Variants in CYB5R4 observed in about 807,000 individuals in gnomAD.
CYB5R4 encodes N-terminal cytochrome b5 and cytochrome b5 oxidoreductase domain-containing protein.
Under a neutral mutation model 70.2 loss-of-function variants are expected in CYB5R4, and 55 were observed. The ratio of observed to expected loss-of-function variants is 0.78; its 90% CI spans 0.63 to 0.98. The LOEUF is 0.98. Ranked by LOEUF, CYB5R4 falls within the 50% of genes least tolerant of loss-of-function variation. The probability of loss-of-function intolerance (pLI) is 0.00; values close to 1 mark genes in which losing one functional copy is unlikely to be tolerated. For synonymous variants in CYB5R4, 197 were observed against 199.5 expected (o/e 0.99, Z 0.11); for missense variants, 562 against 612.6 (o/e 0.92, Z 0.87).
chr6:83,894,467 C>T (rs1385566272), intron 3 of CYB5R4, among the ~76,000 whole-genome samples: 1 of 151,870 alleles, frequency 6.6e-6, no homozygotes, highest in African/African-American at 2.4e-5. Context: ...ATTTTCTCAT[C>T]CATTTTAGGA....
At chr6:83,914,269 C>A in intron 4 of CYB5R4, 147 bp from the exon 5 acceptor site, 1 of 772,570 alleles carries the variant, frequency 1.3e-6, no homozygotes, top group Non-Finnish European at 1.9e-6. Context: ...AAGGCCGTTT[C>A]TATATTGGCC....
At chr6:83,927,772 T>C (rs1346633968) in intron 10 of CYB5R4, among the ~76,000 whole-genome samples, 2 of 152,154 alleles carry the variant, frequency 1.3e-5, no homozygotes, top group African/African-American at 4.8e-5. Flanking sequence ...TGATTGATTA[T>C]GTCAGTGACC....
intron 3 of CYB5R4, among the ~76,000 whole-genome samples, chr6:83,904,913 G>C (rs574660623): frequency 5.1e-4 from 77 of 151,718 alleles, no homozygotes; most frequent in Non-Finnish European, 9.4e-4. Context: ...ATTGTGATCT[G>C]TTGCCAGAGA....
Position 83,967,361 on chromosome 6 carries a change from A to G in CYB5R4, c.*7483A>G, listed in dbSNP as rs1265502884. The G allele has an allele frequency of 3.9e-5, 6 of 152,242 alleles. No homozygotes were observed. Among genetic ancestry groups the G allele is most frequent in the Non-Finnish European group, 7.3e-5 (5 of 68,044 alleles). 9.4% of individuals were successfully genotyped at this position (152,242 alleles called of 1,614,324 possible). On this transcript the variant is annotated 3_prime_UTR_variant, in exon 16 of 16. Coordinates refer to ENST00000369681, the MANE Select transcript of CYB5R4 (RefSeq NM_016230.4). ...TTTCAGTAGTTTTGGCAGTGGTTGT[A>G]TTAGTATTGTTATTCTGAAGATGTG...
At chr6:83,920,097 A>G (rs1411449133) in intron 7 of CYB5R4, among the ~76,000 whole-genome samples, 2 of 152,174 alleles carry the variant, frequency 1.3e-5, no homozygotes, top group African/African-American at 2.4e-5. Flanking sequence ...CTGACTTTCA[A>G]AAGGCTTACA....
intron 2 of CYB5R4, among the ~76,000 whole-genome samples, chr6:83,875,981 A>G (rs1226475820): frequency 6.6e-6 from 1 of 152,098 alleles, no homozygotes; most frequent in Non-Finnish European, 1.5e-5. Context: ...CCCTCTCTCA[A>G]AATGGAGTCG....
At chr6:83,950,929 T>A (rs116706883) in intron 14 of CYB5R4, among the ~76,000 whole-genome samples, 2,684 of 152,248 alleles carry the variant, frequency 0.018, 77 homozygotes, top group African/African-American at 0.062. Flanking sequence ...ATAAAGAATA[T>A]TTTCAACAGG....
chr6:83,924,069 CAA>C (rs34702511), intron 9 of CYB5R4, among the ~76,000 whole-genome samples: 3 of 52,890 alleles, frequency 5.7e-5, no homozygotes, highest in Non-Finnish European at 1.0e-4. Flanking sequence ...GACTCCGTCT[CAA>C]AAAAAAAAAA....
At chr6:83,874,704 C>T (rs1189630556) in intron 2 of CYB5R4, among the ~76,000 whole-genome samples, 1 of 152,098 alleles carries the variant, frequency 6.6e-6, no homozygotes, top group African/African-American at 2.4e-5. Context: ...TCTGACCCTC[C>T]CTGATCGCTT....
intron 14 of CYB5R4, among the ~76,000 whole-genome samples, chr6:83,948,988 C>T (rs1032839778): frequency 2.6e-5 from 4 of 152,038 alleles, no homozygotes; most frequent in Non-Finnish European, 4.4e-5. Flanking sequence ...CTCTCCCTTG[C>T]TGGCTTGGGT....
intron 2 of CYB5R4, among the ~76,000 whole-genome samples, chr6:83,888,729 A>G (rs1250074602): frequency 6.6e-6 from 1 of 152,214 alleles, no homozygotes; most frequent in Non-Finnish European, 1.5e-5. Context: ...GAAATGTTGT[A>G]TATCTCTCAC....
intron 2 of CYB5R4, among the ~76,000 whole-genome samples, chr6:83,890,328 T>A (rs2099460927): frequency 6.6e-6 from 1 of 152,136 alleles, no homozygotes; most frequent in Non-Finnish European, 1.5e-5. Context: ...TTTGAAGGGT[T>A]CAAGACTTGA....
In CYB5R4 at chr6:83,940,197, C is replaced by T; in HGVS notation, c.1250C>T (p.Pro417Leu). The T allele has an allele frequency of 1.2e-6, 2 of 1,604,874 alleles. No homozygotes were observed. Among genetic ancestry groups the T allele is most frequent in the Non-Finnish European group, 1.7e-6 (2 of 1,175,536 alleles). Reference protein sequence around the residue: ...KILNYALTDIPSLRKVKLMFF... With the variant: ...KILNYALTDILSLRKVKLMFF... ...CTGAATTATGCTTTGACTGATATAC[C>T]CAGTCTCAGGTATGTAATTTTGTCT... The change falls in exon 13 of 16, where the codon CCC becomes CTC. Residue 417 changes from proline to leucine, a missense_variant. By Grantham distance (98) the Pro-to-Leu change is moderately conservative. Coordinates refer to ENST00000369681, the MANE Select transcript of CYB5R4 (RefSeq NM_016230.4).
chr6:83,935,278 A>G (rs1014028116), intron 11 of CYB5R4, among the ~76,000 whole-genome samples: 6 of 152,186 alleles, frequency 3.9e-5, no homozygotes, highest in African/African-American at 1.2e-4. Flanking sequence ...TTGACGTCCA[A>G]CATTTTCTTG....
At chr6:83,908,740 G>A (rs1296856551) in intron 3 of CYB5R4, among the ~76,000 whole-genome samples, 1 of 152,080 alleles carries the variant, frequency 6.6e-6, no homozygotes. Context: ...CTTTTTATTA[G>A]TATTATCATG....
chr6:83,897,535 C>G (rs963845995), intron 3 of CYB5R4, among the ~76,000 whole-genome samples: 2 of 152,166 alleles, frequency 1.3e-5, no homozygotes, highest in Non-Finnish European at 2.9e-5. Context: ...GTTCCTGTTT[C>G]TCCACATCCT....
chr6:83,950,579 GGT>G (rs1007736149), intron 14 of CYB5R4, among the ~76,000 whole-genome samples: 4 of 151,964 alleles, frequency 2.6e-5, no homozygotes, highest in African/African-American at 9.7e-5. Flanking sequence ...AACATTTTGT[GGT>G]ATATAAATAT....
intron 11 of CYB5R4, 33 bp from the exon 12 acceptor site, chr6:83,936,191 A>C: frequency 2.0e-6 from 3 of 1,482,454 alleles, no homozygotes; most frequent in Non-Finnish European, 1.8e-6. Context: ...GATTTTTAGA[A>C]TTTAATTATT....
chr6:83,941,942 T>TA (rs2129143434), intron 14 of CYB5R4, among the ~76,000 whole-genome samples: 1 of 152,314 alleles, frequency 6.6e-6, no homozygotes, highest in East Asian at 1.9e-4. Context: ...ACAAATTACT[T>TA]ACCTCTGGGG....
Sources: allele counts gnomAD v4.1 joint callset (sites outside exome capture counted in the v4.1 genomes callset), GRCh38; gene constraint gnomAD v4.1.1; transcripts MANE v1.5; gene names NCBI Gene and HGNC (gene_info 2026-07-23, HGNC 2026-07-21).